The following IL17RD variants were observed in gnomAD, a reference collection of about 807,000 sequenced individuals.
IL17RD encodes interleukin 17 receptor D, also known as interleukin-17 receptor D.
A neutral mutation model predicts 80.5 loss-of-function variants in IL17RD; 52 were observed. The ratio of observed to expected loss-of-function variants is 0.65; its 90% CI spans 0.52 to 0.81. IL17RD has a LOEUF of 0.81. Among genes scored for constraint, IL17RD ranks in the 40% least tolerant of loss-of-function variants. The pLI is 0.00. For missense variants in IL17RD, 1,024 were observed against 955.1 expected (o/e 1.07, Z -0.95); for synonymous variants, 416 against 391.8 (o/e 1.06, Z -0.73).
chr3:57,137,788 C>CT (rs1334482218), intron 1 of IL17RD, among the ~76,000 whole-genome samples: 2 of 152,210 alleles, frequency 1.3e-5, no homozygotes, highest in African/African-American at 4.8e-5. Flanking sequence ...TTGGGAGTCT[C>CT]TAATCTTCCC....
At chr3:57,163,729 A>G (rs1485471866) in intron 1 of IL17RD, among the ~76,000 whole-genome samples, 1 of 149,088 alleles carries the variant, frequency 6.7e-6, no homozygotes, top group Non-Finnish European at 1.5e-5. Flanking sequence ...AATGGAACAC[A>G]GTAAGAAAAT....
At position 57,098,233 on chromosome 3, in the gene IL17RD, A is replaced by T. The variant is rs1398053482; in HGVS notation, c.1470T>A (p.Gly490=). 6 of 1,613,768 alleles carry T rather than the reference A, an allele frequency of 3.7e-6. No individual in the cohort carries two copies. In the African/African-American group the frequency reaches 8.0e-5, roughly 22 times the overall value. The change falls in exon 12 of 13, where the codon GGT becomes GGA. Residue 490 remains glycine (G), a synonymous_variant. Coordinates refer to ENST00000296318, the MANE Select transcript of IL17RD (RefSeq NM_017563.5). ...TGTACTTGGTACTCAGGTCTAGGAT[A>T]CCGGGGACGTCTCCCTCGCAGGAAT... ...FDYSCEGDVP[G]ILDLSTKYRL...
At position 57,099,659 on chromosome 3, in the gene IL17RD, C is replaced by T. The variant is rs541988110; in HGVS notation, c.1165-1121G>A. Among the ~76,000 whole-genome samples, 3 of 152,204 alleles carry T rather than the reference C, an allele frequency of 2.0e-5. No homozygotes were observed. In the East Asian group the frequency reaches 5.8e-4, roughly 29 times the overall value. On this transcript the variant is annotated intron_variant, in intron 11 of 12. Transcript: ENST00000296318. ...TTAATTCTTGTTAACATTACACATG[C>T]TAAAAGCTCAGTGGGAGTATATACC... is the stretch of plus-strand genomic sequence containing the variant.
intron 1 of IL17RD, among the ~76,000 whole-genome samples, chr3:57,163,803 A>AGGGGGGGGGGGGGGGGGGG (rs1401715931): frequency 7.2e-4 from 4 of 5,554 alleles, no homozygotes; most frequent in Admixed American, 2.2e-3. Context: ...CGGGGGGGGA[A>AGGGGGGGGGGGGGGGGGGG]GGGGGTGGCG....
intron 3 of IL17RD, among the ~76,000 whole-genome samples, chr3:57,114,063 A>G (rs1164108821): frequency 6.9e-6 from 1 of 144,508 alleles, no homozygotes; most frequent in African/African-American, 2.5e-5. Context: ...GGGCACTTAT[A>G]ATCCCAGCTA....
In IL17RD at chr3:57,093,396, G is replaced by A. The variant is rs1180967935; in HGVS notation, c.*2997C>T. The A allele has an allele frequency of 6.6e-6, 1 of 152,126 alleles. No homozygotes were observed. The highest frequency in any genetic ancestry group is 2.4e-5 in the African/African-American group (1 of 41,412). The allele number at this position is 152,126 out of a possible 1,614,324, so 9.4% of individuals were successfully genotyped here. A position where few individuals can be genotyped will look rare whatever the true frequency, so the allele number is the denominator to read the frequency against. On this transcript the variant is annotated 3_prime_UTR_variant, in exon 13 of 13. Transcript: ENST00000296318. Reference sequence around the variant, plus strand: ...GGGCCAGAGAGTTTTCTTTCTTTTGGGAGAAGGGTGTGTCATTTTTCCTCA... The same window carrying A: ...GGGCCAGAGAGTTTTCTTTCTTTTGAGAGAAGGGTGTGTCATTTTTCCTCA...
chr3:57,117,521 C>G (rs887614381), intron 2 of IL17RD, among the ~76,000 whole-genome samples: 3 of 152,146 alleles, frequency 2.0e-5, no homozygotes, highest in Non-Finnish European at 4.4e-5. Flanking sequence ...GGCAGAGAGA[C>G]TTATAAAATT....
rs200208155 is a variant in IL17RD, at chr3:57,097,998, G to A, written c.1705C>T (p.Pro569Ser). The A allele has an allele frequency of 3.0e-4, 483 of 1,613,928 alleles. No individual in the cohort carries two copies. Among genetic ancestry groups the A allele is most frequent in the Non-Finnish European group, 3.7e-4 (441 of 1,179,900 alleles). Reference sequence around the variant, plus strand: ...GGCTCCCGGTAGCGCAGTGGAGGAGGATGGAAGGGAACGAACTGCTTTTCG... The same window carrying A: ...GGCTCCCGGTAGCGCAGTGGAGGAGAATGGAAGGGAACGAACTGCTTTTCG... The part of the protein sequence containing the change: ...WFEKQFVPFH[P>S]PPLRYREPVL... Residue 569 changes from proline to serine, a missense_variant, in exon 12 of 13, where the codon CCT (proline) becomes TCT (serine). Transcript: ENST00000296318.
chr3:57,158,447 TTA>T (rs981210891), intron 1 of IL17RD, among the ~76,000 whole-genome samples: 1 of 152,224 alleles, frequency 6.6e-6, no homozygotes, highest in Admixed American at 6.5e-5. Flanking sequence ...ATCAGAAAAT[TTA>T]TGAGCCCATT....
Position 57,114,770 on chromosome 3 carries a change from C to G in IL17RD, c.232G>C (p.Ala78Pro). The G allele has an allele frequency of 1.2e-6, 2 of 1,611,612 alleles. No individual in the cohort carries two copies. Among genetic ancestry groups the G allele is most frequent in the Non-Finnish European group, 1.7e-6 (2 of 1,178,878 alleles). Residue 78 changes from alanine to proline, a missense_variant, in exon 3 of 13, where the codon GCC becomes CCC. By Grantham distance (27) the Ala-to-Pro change is conservative. Coordinates refer to ENST00000296318, the MANE Select transcript of IL17RD (RefSeq NM_017563.5). ...NPVGKHVIAD[A>P]QNITISQYAC... ...TACTGGCTGATGGTGATATTCTGGG[C>G]GTCAGCAATCACATGCTTCCCCACT...
rs146995638 is a variant in IL17RD, at chr3:57,092,462, G to GC, written c.*3930dup. ...AAATTAGCCAGGCGTGGTGGTGGGC[G>GC]CCTGTAGTCCCAGCTACTCAGGAGG... On this transcript the variant is annotated 3_prime_UTR_variant, in exon 13 of 13. Coordinates refer to ENST00000296318, the MANE Select transcript of IL17RD (RefSeq NM_017563.5). 23,536 of 151,934 alleles carry GC rather than the reference G, an allele frequency of 0.15. 2,410 individuals are homozygous for GC. The highest frequency in any genetic ancestry group is 0.36 in the East Asian group (1,878 of 5,148). The allele number at this position is 151,934 out of a possible 1,614,324, so 9.4% of individuals were successfully genotyped here. A position where few individuals can be genotyped will look rare whatever the true frequency, so the allele number is the denominator to read the frequency against.
At chr3:57,102,295 G>GT (rs1166717400) in intron 10 of IL17RD, among the ~76,000 whole-genome samples, 184 bp downstream of exon 10, 5 of 152,006 alleles carry the variant, frequency 3.3e-5, no homozygotes, top group South Asian at 2.1e-4. Flanking sequence ...AATGATACCT[G>GT]TTTTTTTTAG....
At chr3:57,164,074 G>C (rs2060327216) in intron 1 of IL17RD, among the ~76,000 whole-genome samples, 1 of 152,182 alleles carries the variant, frequency 6.6e-6, no homozygotes, top group South Asian at 2.1e-4. Flanking sequence ...CTATCCCTCA[G>C]CCCAGCAATA....
intron 1 of IL17RD, among the ~76,000 whole-genome samples, chr3:57,143,778 T>C (rs1226652735): frequency 1.3e-5 from 2 of 152,194 alleles, no homozygotes; most frequent in African/African-American, 4.8e-5. Context: ...AGGGCAGTGA[T>C]GTTCGGGTGG....
At position 57,105,536 on chromosome 3, in the gene IL17RD, C is replaced by CAAA. The variant is rs745910085; in HGVS notation, c.747+318_747+320dup. ...TGGGCAACAGAGCAAGACTCCATCTCAAAAAAAAAAAAAAAAATATATATA... is the reference window on the plus strand; with the variant it reads ...TGGGCAACAGAGCAAGACTCCATCTCAAAAAAAAAAAAAAAAAAAATATATATA... On this transcript the variant is annotated intron_variant, in intron 7 of 12. Transcript: ENST00000296318. Among the ~76,000 whole-genome samples the CAAA allele has an allele frequency of 1.7e-3, 61 of 35,592 alleles. 2 individuals carry two copies. Among genetic ancestry groups the CAAA allele is most frequent in the East Asian group, 0.011 (31 of 2,952 alleles). The allele number at this position is 35,592 out of a possible 152,430, so 23.3% of individuals were successfully genotyped here.
intron 1 of IL17RD, among the ~76,000 whole-genome samples, chr3:57,160,572 G>C (rs757018026): frequency 6.6e-6 from 1 of 151,850 alleles, no homozygotes; most frequent in Non-Finnish European, 1.5e-5. Context: ...CTTCTCCCCC[G>C]CCCCGCTTCC....
intron 1 of IL17RD, among the ~76,000 whole-genome samples, chr3:57,150,033 C>G (rs144323569): frequency 2.6e-5 from 4 of 152,170 alleles, no homozygotes; most frequent in Non-Finnish European, 4.4e-5. Context: ...TGTACTGCCC[C>G]TTGGTAGTCA....
intron 2 of IL17RD, 84 bp from the exon 3 acceptor site, chr3:57,114,901 T>C: frequency 2.6e-6 from 3 of 1,161,264 alleles, no homozygotes; most frequent in South Asian, 3.7e-5. Flanking sequence ...AAACAGGGCA[T>C]GTCTGAAGGT....
intron 4 of IL17RD, among the ~76,000 whole-genome samples, chr3:57,109,912 G>A (rs1367826764): frequency 6.6e-6 from 1 of 152,194 alleles, no homozygotes; most frequent in East Asian, 1.9e-4. Context: ...TCAGAGTTGG[G>A]GCGCAGGGTG....
Sources: allele counts gnomAD v4.1 joint callset (sites outside exome capture counted in the v4.1 genomes callset), GRCh38; gene constraint gnomAD v4.1.1; transcripts MANE v1.5; gene names NCBI Gene and HGNC (gene_info 2026-07-23, HGNC 2026-07-21).